ZNF678: variants seen among roughly 807,000 people sequenced by gnomAD.
The protein encoded by ZNF678 is zinc finger protein 678, also known as hypothetical protein MGC42493.
ZNF678 carries 5 observed loss-of-function variants against 3.0 expected under a neutral mutation model. The ratio of observed to expected loss-of-function variants is 1.69; its 90% CI spans 0.88 to 3.56. The LOEUF is 3.56. ZNF678 is among the 30% of genes most tolerant of loss of function. ZNF678 has a pLI of 0.00. For synonymous variants in ZNF678, 218 were observed against 199.6 expected, an observed-to-expected ratio of 1.09 and a Z score of -0.78; for missense variants, 593 against 605.0, an observed-to-expected ratio of 0.98 and a Z score of 0.21.
chr1:227,575,707 C>G (rs188961767), intron 1 of ZNF678, among the ~76,000 whole-genome samples: 35 of 152,204 alleles, frequency 2.3e-4, no homozygotes, highest in Admixed American at 1.5e-3. Flanking sequence ...AGTTTGACTT[C>G]CTGTCTTCCT....
At position 227,654,602 on chromosome 1, in the gene ZNF678, A is replaced by G. The variant is rs780448109; in HGVS notation, c.352A>G (p.Ile118Val). The G allele has an allele frequency of 6.2e-7, 1 of 1,613,208 alleles. No individual in the cohort carries two copies. The highest frequency in any genetic ancestry group is 2.2e-5 in the East Asian group (1 of 44,858). Residue 118 changes from isoleucine to valine, a missense_variant, in exon 4 of 4, where the codon ATT becomes GTT. By Grantham distance (29) the Ile-to-Val change is conservative. Coordinates refer to ENST00000343776, the MANE Select transcript of ZNF678 (RefSeq NM_001367909.1). ...WRSILTEHKR[I>V]HTGEKPYKCE... ...GTCAATCCTTACTGAACATAAGAGA[A>G]TTCATACTGGAGAGAAGCCATACAA...
At chr1:227,565,215 G>A (rs1208389484) in intron 1 of ZNF678, among the ~76,000 whole-genome samples, 3 of 151,784 alleles carry the variant, frequency 2.0e-5, no homozygotes, top group Non-Finnish European at 2.9e-5. Context: ...ACAGGCGTGC[G>A]CCACTACACC....
At position 227,673,272 on chromosome 1, in the gene ZNF678, G is replaced by A. The variant is rs141913118; in HGVS notation, c.227-3907G>A. Among the ~76,000 whole-genome samples, 604 of 152,268 alleles carry A rather than the reference G, an allele frequency of 4.0e-3. 5 individuals carry two copies. The highest frequency in any genetic ancestry group is 0.014 in the African/African-American group (587 of 41,562). On this transcript the variant is annotated intron_variant, in intron 5 of 5. Coordinates refer to the ZNF678 transcript ENST00000608949. ...CCTGGTTGTAGATAACCCACCACTGGACACCTGACCTTTTTGCTACACTGG... is the reference window on the plus strand; with the variant it reads ...CCTGGTTGTAGATAACCCACCACTGAACACCTGACCTTTTTGCTACACTGG...
intron 5 of ZNF678, among the ~76,000 whole-genome samples, chr1:227,671,387 A>G (rs1659599992): frequency 1.3e-5 from 2 of 152,094 alleles, no homozygotes. Flanking sequence ...GCAATTCTAG[A>G]GAAAAAAAAA....
chr1:227,657,772 T>C lies in ZNF678; in HGVS notation c.*1944T>C, dbSNP rs1488395832. 6.6e-6 allele frequency: 1 copy of C among 151,976 alleles called. No homozygotes were observed. Among genetic ancestry groups the C allele is most frequent in the South Asian group, 2.1e-4 (1 of 4,824 alleles). The allele number at this position is 151,976 out of a possible 1,614,324, so 9.4% of individuals were successfully genotyped here. A position where few individuals can be genotyped will look rare whatever the true frequency, so the allele number is the denominator to read the frequency against. ...CTTTTTTGAGAAGAAAACAAAAATA[T>C]TGGAACAAAATATAATTTAAAAAGT... On this transcript the variant is annotated 3_prime_UTR_variant, in exon 4 of 4. Coordinates refer to ENST00000343776, the MANE Select transcript of ZNF678 (RefSeq NM_001367909.1).
rs113565898 is a variant in ZNF678, at chr1:227,591,811, A to T, written c.-164+28087A>T. Among the ~76,000 whole-genome samples the T allele has an allele frequency of 4.9e-3, 739 of 152,234 alleles. 4 individuals carry two copies. The highest frequency in any genetic ancestry group is 0.015 in the African/African-American group (628 of 41,528). ...TAGGACCATAGCAACCTTTTCTCCT[A>T]CCTCAGTGACTTGATGTATACACTG... On this transcript the variant is annotated intron_variant, in intron 1 of 3. Transcript: ENST00000343776.
At chr1:227,565,054 CTTTTTTTTT>C (rs56226010) in intron 1 of ZNF678, among the ~76,000 whole-genome samples, 6 of 32,738 alleles carry the variant, frequency 1.8e-4, no homozygotes, top group Middle Eastern at 0.026. Context: ...CCCTACCCGG[CTTTTTTTTT>C]TTTTTTTTTT....
intron 1 of ZNF678, among the ~76,000 whole-genome samples, chr1:227,639,707 G>A (rs1205943455): frequency 6.6e-6 from 1 of 152,210 alleles, no homozygotes; most frequent in Non-Finnish European, 1.5e-5. Context: ...GGGGGTCCTG[G>A]TTGGGGACTG....
chr1:227,613,694 T>C (rs2102763047), intron 1 of ZNF678, among the ~76,000 whole-genome samples: 1 of 152,294 alleles, frequency 6.6e-6, no homozygotes, highest in South Asian at 2.1e-4. Context: ...TGTTAGCACT[T>C]CTCATTCAGG....
At position 227,660,981 on chromosome 1, in the gene ZNF678, C is replaced by T. The variant is rs969184517; in HGVS notation, c.*5153C>T. The stretch of plus-strand genomic sequence containing the variant: ...AGTTATAATTGGTTCTGAGATCCTT[C>T]ATCTTTCTCAGAATCTAGGAGGATG... On this transcript the variant is annotated 3_prime_UTR_variant, in exon 4 of 4. Transcript: ENST00000343776. 6.6e-6 allele frequency: 1 copy of T among 152,110 alleles called. No homozygotes were observed. 9.4% of individuals were successfully genotyped at this position (152,110 alleles called of 1,614,324 possible).
chr1:227,667,752 A>T (rs1306971194), intron 5 of ZNF678, among the ~76,000 whole-genome samples: 1 of 152,196 alleles, frequency 6.6e-6, no homozygotes, highest in Non-Finnish European at 1.5e-5. Context: ...GTTTACTGTC[A>T]ATTATTTTGG....
chr1:227,678,470 G>A (rs1257061743), downstream of ZNF678, among the ~76,000 whole-genome samples: 1 of 152,160 alleles, frequency 6.6e-6, no homozygotes, highest in Non-Finnish European at 1.5e-5. Flanking sequence ...TAGGCAGGAG[G>A]AAGAGTTCAA....
intron 1 of ZNF678, among the ~76,000 whole-genome samples, chr1:227,579,235 T>A (rs140768696): frequency 7.3e-5 from 11 of 151,696 alleles, no homozygotes; most frequent in African/African-American, 2.7e-4. Context: ...GGGTTAGGAG[T>A]GGTGGGAGTC....
At chr1:227,575,241 T>C (rs532486166) in intron 1 of ZNF678, among the ~76,000 whole-genome samples, 1 of 152,314 alleles carries the variant, frequency 6.6e-6, no homozygotes, top group East Asian at 1.9e-4. Flanking sequence ...TTTTTTGGTC[T>C]ATATGAATTT....
rs2102785924 is a variant in ZNF678, at chr1:227,635,911, A to G, written c.-163-10633A>G. Among the ~76,000 whole-genome samples, 2 of 152,244 alleles carry G rather than the reference A, an allele frequency of 1.3e-5. 1 individual carries two copies. The highest frequency in any genetic ancestry group is 6.8e-3 in the Middle Eastern group (2 of 294). Reference sequence around the variant, plus strand: ...CTTACATTCCTGTCTATTTGGTTATAGAAAAGGGAAAACAGATGACTTTCT... The same window carrying G: ...CTTACATTCCTGTCTATTTGGTTATGGAAAAGGGAAAACAGATGACTTTCT... On this transcript the variant is annotated intron_variant, in intron 1 of 3. Coordinates refer to ENST00000343776, the MANE Select transcript of ZNF678 (RefSeq NM_001367909.1).
In ZNF678 at chr1:227,566,928, G is replaced by A. The variant is rs1337520444; in HGVS notation, c.-164+3204G>A. On this transcript the variant is annotated intron_variant, in intron 1 of 3. Coordinates refer to ENST00000343776, the MANE Select transcript of ZNF678 (RefSeq NM_001367909.1). ...GGGAATTCTATCGGGGAGAAAAATA[G>A]GAAACGTCTCTTTTTCATTATGCCT... 2.6e-5 allele frequency among the ~76,000 whole-genome samples: 4 copies of A among 152,150 alleles called. No individual in the cohort carries two copies. The East Asian group carries it at 7.7e-4, about 29-fold the overall frequency.
chr1:227,564,744 T>G (rs1656624939), intron 1 of ZNF678, among the ~76,000 whole-genome samples: 1 of 152,216 alleles, frequency 6.6e-6, no homozygotes, highest in Non-Finnish European at 1.5e-5. Flanking sequence ...TTTTTGTTTT[T>G]TCTTTAAGAA....
At chr1:227,637,246 G>A (rs1439392891) in intron 1 of ZNF678, among the ~76,000 whole-genome samples, 3 of 152,250 alleles carry the variant, frequency 2.0e-5, no homozygotes, top group Non-Finnish European at 2.9e-5. Flanking sequence ...GAGCATGGCT[G>A]TGTTTAGACG....
chr1:227,597,436 G>T (rs1402246033), intron 1 of ZNF678, among the ~76,000 whole-genome samples: 4 of 152,152 alleles, frequency 2.6e-5, no homozygotes, highest in Non-Finnish European at 4.4e-5. Flanking sequence ...GATTTTGGGG[G>T]TCCTATTCCC....
Sources: gnomAD v4.1 joint callset for allele counts (sites outside exome capture counted in the v4.1 genomes callset) on GRCh38, gnomAD v4.1.1 for gene constraint, MANE v1.5 for transcripts, NCBI Gene and HGNC (gene_info 2026-07-23, HGNC 2026-07-21) for gene names.